ACTA2: variants seen among roughly 807,000 people sequenced by gnomAD.
ACTA2 encodes actin, aortic smooth muscle.
Under a neutral mutation model 39.5 loss-of-function variants are expected in ACTA2, and 12 were observed. The observed-to-expected ratio is 0.30, with a 90% confidence interval of 0.19 to 0.49. ACTA2 has a LOEUF of 0.49. Among genes scored for constraint, ACTA2 ranks in the 20% least tolerant of loss-of-function variants. The pLI is 0.99. For missense variants in ACTA2, 236 were observed against 498.8 expected, an observed-to-expected ratio of 0.47 and a Z score of 5.02; for synonymous variants, 158 against 180.6, an observed-to-expected ratio of 0.88 and a Z score of 1.00.
intron 1 of ACTA2, chr10:88,974,394 A>T (rs1037932598): frequency 2.6e-5 from 4 of 152,226 alleles, no homozygotes; most frequent in Non-Finnish European, 4.4e-5. Flanking sequence ...GTGATATTGA[A>T]ACTAAATTCC....
In ACTA2 at chr10:88,984,931, C is replaced by A. The variant is rs148101863; in HGVS notation, c.-24+6008G>T. 1.8e-4 allele frequency among the ~76,000 whole-genome samples: 28 copies of A among 152,282 alleles called. No individual in the cohort carries two copies. The East Asian group carries it at 5.2e-3, about 28-fold the overall frequency. On this transcript the variant is annotated intron_variant, in intron 1 of 4. Transcript: ENST00000415557. ...ATGGAGAAGCCAAGATGTTAGGCTG[C>A]AGGCAGTGCTTATGCTCTCTAGCCT...
At chr10:88,938,518 G>C (rs566983857) in intron 7 of ACTA2, 5 of 431,158 alleles carry the variant, frequency 1.2e-5, no homozygotes, top group Non-Finnish European at 2.2e-5. Flanking sequence ...CACTCCATGT[G>C]GTTTAAATAA....
chr10:88,943,739 C>T, intron 4 of ACTA2, 58 bp downstream of exon 4: 1 of 1,445,918 alleles, frequency 6.9e-7, no homozygotes, highest in South Asian at 1.1e-5. Flanking sequence ...GCATAGCCTC[C>T]TTCTAACAGA....
intron 1 of ACTA2, among the ~76,000 whole-genome samples, chr10:88,979,566 G>C (rs1278779441): frequency 6.6e-6 from 1 of 152,036 alleles, no homozygotes; most frequent in South Asian, 2.1e-4. Flanking sequence ...TCTCACACTA[G>C]GGCTGTTCTC....
chr10:88,944,187 C>G (rs1444467961), intron 3 of ACTA2, among the ~76,000 whole-genome samples: 1 of 152,168 alleles, frequency 6.6e-6, no homozygotes, highest in Admixed American at 6.5e-5. Flanking sequence ...TTGATCAAAC[C>G]TTGGGTTCAA....
chr10:88,944,058 G>A, intron 3 of ACTA2, 151 bp from the exon 4 acceptor site: 3 of 664,452 alleles, frequency 4.5e-6, no homozygotes, highest in South Asian at 3.6e-5. Context: ...TAGATGCAGA[G>A]ACTGAAGCTC....
At chr10:88,962,481 G>A (rs1270367045) in intron 1 of ACTA2, among the ~76,000 whole-genome samples, 1 of 152,122 alleles carries the variant, frequency 6.6e-6, no homozygotes, top group African/African-American at 2.4e-5. Context: ...ATTTCAGACA[G>A]GCATCTGCCT....
chr10:88,966,862 A>G (rs556966803), intron 1 of ACTA2, among the ~76,000 whole-genome samples: 1 of 152,348 alleles, frequency 6.6e-6, no homozygotes, highest in South Asian at 2.1e-4. Flanking sequence ...ATTAGGTGTC[A>G]GGTGGTGTTT....
chr10:88,971,932 T>C (rs1040084034), intron 1 of ACTA2, among the ~76,000 whole-genome samples: 2 of 151,362 alleles, frequency 1.3e-5, no homozygotes, highest in African/African-American at 4.9e-5. Context: ...TTTTTTTAGA[T>C]GGAGTCTTGC....
intron 1 of ACTA2, among the ~76,000 whole-genome samples, chr10:88,966,617 G>A (rs1846322234): frequency 1.3e-5 from 2 of 152,186 alleles, no homozygotes; most frequent in South Asian, 4.1e-4. Context: ...CTTAGACAGA[G>A]TGCCTAAAAT....
chr10:88,988,496 T>C (rs1846988012), intron 1 of ACTA2, among the ~76,000 whole-genome samples: 1 of 149,980 alleles, frequency 6.7e-6, no homozygotes, highest in Non-Finnish European at 1.5e-5. Context: ...TTAAGTGTTA[T>C]TCAGAATGTT....
At chr10:88,979,607 G>A (rs1846659407) in intron 1 of ACTA2, among the ~76,000 whole-genome samples, 1 of 151,728 alleles carries the variant, frequency 6.6e-6, no homozygotes, top group Non-Finnish European at 1.5e-5. Context: ...AATTGTTAAT[G>A]ATGACTTTTT....
At chr10:88,958,842 T>C (rs184581379) in intron 1 of ACTA2, among the ~76,000 whole-genome samples, 1 of 152,120 alleles carries the variant, frequency 6.6e-6, no homozygotes, top group South Asian at 2.1e-4. Flanking sequence ...ACCCGACGGG[T>C]TTCCTCGGTC....
intron 8 of ACTA2, among the ~76,000 whole-genome samples, 167 bp downstream of exon 8, chr10:88,937,894 A>C (rs1264064470): frequency 6.6e-6 from 1 of 152,166 alleles, no homozygotes; most frequent in Non-Finnish European, 1.5e-5. Flanking sequence ...TTTTCTTATG[A>C]ACTAGATTGA....
intron 3 of ACTA2, among the ~76,000 whole-genome samples, chr10:88,946,352 G>A (rs1249359607): frequency 7.0e-6 from 1 of 143,754 alleles, no homozygotes; most frequent in Non-Finnish European, 1.5e-5. Context: ...CTGGCCTCAA[G>A]TGATCCAGTG....
chr10:88,936,679 C>G (rs1316741496), intron 8 of ACTA2, among the ~76,000 whole-genome samples: 3 of 151,988 alleles, frequency 2.0e-5, no homozygotes, highest in Non-Finnish European at 4.4e-5. Flanking sequence ...GAAGCTGATG[C>G]TAGAGCTATG....
At chr10:88,951,546 T>G (rs1335562715) in intron 1 of ACTA2, among the ~76,000 whole-genome samples, 1 of 152,054 alleles carries the variant, frequency 6.6e-6, no homozygotes, top group African/African-American at 2.4e-5. Flanking sequence ...AATGTTATAA[T>G]GTCCAAAAGG....
At chr10:88,940,706 T>C (rs948102155) in intron 6 of ACTA2, 1 of 212,104 alleles carries the variant, frequency 4.7e-6, no homozygotes, top group African/African-American at 2.3e-5. Context: ...TCACTGTTAA[T>C]AGCTAACAAT....
At chr10:88,945,417 C>CGTA (rs1355925978) in intron 3 of ACTA2, among the ~76,000 whole-genome samples, 2 of 151,916 alleles carry the variant, frequency 1.3e-5, no homozygotes, top group Non-Finnish European at 2.9e-5. Context: ...AAATTGTGTG[C>CGTA]GTAGTAGTAG....
Sources: gnomAD v4.1 joint callset for allele counts (sites outside exome capture counted in the v4.1 genomes callset) on GRCh38, gnomAD v4.1.1 for gene constraint, MANE v1.5 for transcripts, NCBI Gene and HGNC (gene_info 2026-07-23, HGNC 2026-07-21) for gene names.